The following SLC35F3 variants were observed in gnomAD, a reference collection of about 807,000 sequenced individuals.
The protein encoded by SLC35F3 is solute carrier family 35 member F3.
Under a neutral mutation model 49.9 loss-of-function variants are expected in SLC35F3, and 25 were observed. The ratio of observed to expected loss-of-function variants is 0.50; its 90% CI spans 0.37 to 0.70. The LOEUF (loss-of-function observed/expected upper bound fraction) is 0.70, where lower values mean the gene tolerates loss of function less well. SLC35F3 is among the 30% of genes least tolerant of loss of function. The probability of loss-of-function intolerance (pLI) is 0.00; values close to 1 mark genes in which losing one functional copy is unlikely to be tolerated. For synonymous variants in SLC35F3, 275 were observed against 265.4 expected (o/e 1.04, Z -0.35); for missense variants, 525 against 639.8 (o/e 0.82, Z 1.94).
intron 3 of SLC35F3, among the ~76,000 whole-genome samples, chr1:234,286,218 G>A (rs893044853): frequency 6.6e-6 from 1 of 152,204 alleles, no homozygotes; most frequent in Non-Finnish European, 1.5e-5. Context: ...ACAGCTAGGA[G>A]GTGATAAGGG....
chr1:234,005,622 A>T (rs929935663), intron 2 of SLC35F3, among the ~76,000 whole-genome samples: 13 of 152,222 alleles, frequency 8.5e-5, no homozygotes, highest in African/African-American at 3.1e-4. Context: ...CTGTTTGGTG[A>T]TACAAACATT....
At chr1:233,972,273 G>A (rs79843601) in intron 2 of SLC35F3, among the ~76,000 whole-genome samples, 11,315 of 152,248 alleles carry the variant, frequency 0.074, 625 homozygotes, top group East Asian at 0.22. Flanking sequence ...CTAGGTCAAA[G>A]GACTTATCTG....
chr1:234,074,972 T>A (rs1664772672), intron 2 of SLC35F3, among the ~76,000 whole-genome samples: 1 of 152,200 alleles, frequency 6.6e-6, no homozygotes, highest in South Asian at 2.1e-4. Flanking sequence ...CTGTGACGTC[T>A]GAGTTTTTTT....
At chr1:234,164,291 C>CCTCTTTCTCTTTCCCT (rs1454244075) in intron 2 of SLC35F3, among the ~76,000 whole-genome samples, 1 of 151,008 alleles carries the variant, frequency 6.6e-6, no homozygotes, top group Non-Finnish European at 1.5e-5. Flanking sequence ...ATTCTCTCTC[C>CCTCTTTCTCTTTCCCT]CTCTTTCTCT....
intron 3 of SLC35F3, among the ~76,000 whole-genome samples, chr1:234,233,518 TA>T (rs1315815022): frequency 6.6e-6 from 1 of 152,248 alleles, no homozygotes; most frequent in Non-Finnish European, 1.5e-5. Context: ...ACCAGCCACT[TA>T]GGGCGGGCCT....
intron 4 of SLC35F3, among the ~76,000 whole-genome samples, chr1:234,311,538 T>C (rs899534924): frequency 2.0e-5 from 3 of 152,208 alleles, no homozygotes; most frequent in Non-Finnish European, 2.9e-5. Context: ...AAGGAGACTT[T>C]TGTTATTAAG....
intron 2 of SLC35F3, among the ~76,000 whole-genome samples, chr1:233,984,457 G>A (rs984216917): frequency 6.6e-6 from 1 of 152,136 alleles, no homozygotes; most frequent in Admixed American, 6.5e-5. Flanking sequence ...TTAACGGGAT[G>A]GGTAAGTTTT....
chr1:234,190,848 C>T (rs2102928908), intron 2 of SLC35F3, among the ~76,000 whole-genome samples: 1 of 152,214 alleles, frequency 6.6e-6, no homozygotes, highest in East Asian at 1.9e-4. Flanking sequence ...CTGCTTGAGA[C>T]CGTCATTACA....
intron 2 of SLC35F3, among the ~76,000 whole-genome samples, chr1:234,163,245 G>A (rs1666257576): frequency 6.6e-6 from 1 of 152,210 alleles, no homozygotes; most frequent in Non-Finnish European, 1.5e-5. Context: ...ATACACCTTA[G>A]ATGTTGATGT....
At chr1:234,081,440 C>A (rs1664873782) in intron 2 of SLC35F3, among the ~76,000 whole-genome samples, 1 of 152,146 alleles carries the variant, frequency 6.6e-6, no homozygotes, top group Admixed American at 6.6e-5. Flanking sequence ...TTGATCCAAG[C>A]TGCTGGTTCC....
chr1:233,996,495 G>A (rs979639433), intron 2 of SLC35F3, among the ~76,000 whole-genome samples: 1 of 151,916 alleles, frequency 6.6e-6, no homozygotes, highest in Non-Finnish European at 1.5e-5. Context: ...GCCAATTCAG[G>A]TGAGGAAAAG....
At chr1:234,195,813 C>T (rs1054153048) in intron 2 of SLC35F3, among the ~76,000 whole-genome samples, 7 of 152,114 alleles carry the variant, frequency 4.6e-5, no homozygotes, top group Admixed American at 2.6e-4. Flanking sequence ...TTCCCCCATA[C>T]TGTTTTCATA....
At chr1:234,023,214 C>T (rs1477978442) in intron 2 of SLC35F3, among the ~76,000 whole-genome samples, 1 of 152,044 alleles carries the variant, frequency 6.6e-6, no homozygotes, top group Non-Finnish European at 1.5e-5. Context: ...AATACCTGCC[C>T]CAATAAGTGA....
At chr1:233,926,299 T>A (rs1662159641) in intron 2 of SLC35F3, among the ~76,000 whole-genome samples, 1 of 152,216 alleles carries the variant, frequency 6.6e-6, no homozygotes, top group South Asian at 2.1e-4. Flanking sequence ...TCTTTTCACA[T>A]AGTCTCATAT....
At position 234,323,137 on chromosome 1, in the gene SLC35F3, C is replaced by T. The variant is rs1406643502; in HGVS notation, c.1367C>T (p.Thr456Ile). The stretch of plus-strand genomic sequence containing the variant: ...GATGTCTGGTTGATCAAGCTGCTCA[C>T]CCGACTCAAAGTGAGGAAGAAGGAG... Reference protein sequence around the residue: ...EWDVWLIKLLTRLKVRKKEEP... With the variant: ...EWDVWLIKLLIRLKVRKKEEP... Residue 456 changes from threonine (T) to isoleucine (I), a missense_variant, in exon 8 of 8, where the codon ACC becomes ATC. Coordinates refer to ENST00000366618, the MANE Select transcript of SLC35F3 (RefSeq NM_173508.4). The surrounding 1 kb of genome is among the most constrained non-coding windows in gnomAD (Gnocchi z 4.5). 6.2e-7 allele frequency: 1 copy of T among 1,614,142 alleles called. No individual in the cohort carries two copies. The highest frequency in any genetic ancestry group is 8.5e-7 in the Non-Finnish European group (1 of 1,180,024).
intron 2 of SLC35F3, among the ~76,000 whole-genome samples, chr1:234,119,797 A>G (rs1665546116): frequency 6.6e-6 from 1 of 152,238 alleles, no homozygotes; most frequent in African/African-American, 2.4e-5. Context: ...AAAATAGCAT[A>G]GTTGCCTATT....
intron 2 of SLC35F3, among the ~76,000 whole-genome samples, chr1:233,980,948 A>G (rs1663172393): frequency 1.3e-5 from 2 of 152,232 alleles, no homozygotes; most frequent in African/African-American, 4.8e-5. Context: ...TTGAAAGTGA[A>G]GAAACTAAAG....
At chr1:233,965,606 G>T (rs1662890760) in intron 2 of SLC35F3, among the ~76,000 whole-genome samples, 1 of 152,156 alleles carries the variant, frequency 6.6e-6, no homozygotes, top group African/African-American at 2.4e-5. Flanking sequence ...CCCAACATCA[G>T]AAAGAAGCCA....
rs574985229 is a variant in SLC35F3 at position 234,106,671 on chromosome 1, A to T, written c.284-124746A>T. On this transcript the variant is annotated intron_variant, in intron 2 of 7. Transcript: ENST00000366618. Reference sequence around the variant, plus strand: ...TTTTAAAGGCCCTTTCTTCAAACACATTCACATTGAGGGTTAAGGCTTCAA... The same window carrying T: ...TTTTAAAGGCCCTTTCTTCAAACACTTTCACATTGAGGGTTAAGGCTTCAA... Among the ~76,000 whole-genome samples, 97 of 152,338 alleles carry T rather than the reference A, an allele frequency of 6.4e-4. No homozygotes were observed. The South Asian group carries it at 0.019, about 31-fold the overall frequency.
Sources: gnomAD v4.1 joint callset for allele counts (sites outside exome capture counted in the v4.1 genomes callset) on GRCh38, gnomAD v4.1.1 for gene constraint, Gnocchi (gnomAD v3.1) non-coding constraint, MANE v1.5 for transcripts, NCBI Gene and HGNC (gene_info 2026-07-23, HGNC 2026-07-21) for gene names.